Variants in LRRC4C observed in about 807,000 individuals in gnomAD.
LRRC4C encodes the protein leucine rich repeat containing 4C.
A neutral mutation model predicts 33.6 loss-of-function variants in LRRC4C; 5 were observed. The ratio of observed to expected loss-of-function variants is 0.15; its 90% CI spans 0.08 to 0.31. The LOEUF is 0.31. LRRC4C is among the 10% of genes least tolerant of loss of function. The pLI is 1.00. For synonymous variants in LRRC4C, 329 were observed against 302.0 expected, an observed-to-expected ratio of 1.09 and a Z score of -0.93; for missense variants, 560 against 796.7, an observed-to-expected ratio of 0.70 and a Z score of 3.58.
chr11:40,298,560 C>T (rs1944625564), intron 4 of LRRC4C, among the ~76,000 whole-genome samples: 1 of 151,670 alleles, frequency 6.6e-6, no homozygotes, highest in African/African-American at 2.4e-5. Context: ...TGAATAGTAT[C>T]AGCTAACTTC....
intron 2 of LRRC4C, among the ~76,000 whole-genome samples, chr11:40,767,970 T>G (rs1949556857): frequency 6.6e-6 from 1 of 150,614 alleles, no homozygotes; most frequent in Non-Finnish European, 1.5e-5. Context: ...AAAAAAGAAA[T>G]AAAATGATAA....
intron 1 of LRRC4C, among the ~76,000 whole-genome samples, chr11:41,246,287 T>C (rs1288730038): frequency 2.6e-5 from 4 of 152,112 alleles, no homozygotes; most frequent in Non-Finnish European, 5.9e-5. Context: ...CTAGTGTGTG[T>C]CAGTGCTGCC....
At chr11:41,456,369 T>C (rs1382913811) in intron 1 of LRRC4C, among the ~76,000 whole-genome samples, 1 of 151,904 alleles carries the variant, frequency 6.6e-6, no homozygotes, top group Non-Finnish European at 1.5e-5. Context: ...CTAGGTGATG[T>C]TCCTGGCTTT....
intron 3 of LRRC4C, among the ~76,000 whole-genome samples, chr11:40,410,564 G>T (rs537776523): frequency 1.3e-5 from 2 of 151,892 alleles, no homozygotes; most frequent in Non-Finnish European, 2.9e-5. Context: ...CATGTTTTCC[G>T]TTCTTTTTAT....
At chr11:41,340,343 C>T (rs541673508) in intron 1 of LRRC4C, among the ~76,000 whole-genome samples, 6 of 152,214 alleles carry the variant, frequency 3.9e-5, no homozygotes, top group South Asian at 2.1e-4. Flanking sequence ...TTTCAATTTT[C>T]CTTTTTGTAG....
intron 1 of LRRC4C, among the ~76,000 whole-genome samples, chr11:41,076,890 G>GT (rs1156687250): frequency 6.6e-6 from 1 of 152,220 alleles, no homozygotes; most frequent in African/African-American, 2.4e-5. Flanking sequence ...CCAAGATACA[G>GT]TGAGGGTACA....
chr11:40,524,919 G>A (rs1955976382), intron 3 of LRRC4C, among the ~76,000 whole-genome samples: 1 of 152,126 alleles, frequency 6.6e-6, no homozygotes, highest in Non-Finnish European at 1.5e-5. Context: ...TACTACTATG[G>A]TAGATTAAAT....
chr11:40,388,977 T>G (rs1452517743), intron 3 of LRRC4C, among the ~76,000 whole-genome samples: 1 of 152,164 alleles, frequency 6.6e-6, no homozygotes, highest in Non-Finnish European at 1.5e-5. Context: ...TGTTTTGCGT[T>G]CATTCTAGTG....
rs535225057 is a variant in LRRC4C, at chr11:41,384,519, A to G, written c.-496+74912T>C. On this transcript the variant is annotated intron_variant, in intron 1 of 6. Transcript: ENST00000528697. ...CTGTTACAGTTAAAAACATGCCAAC[A>G]AGTTTGTCATTTCTCAAGGCATTAC... 9.9e-5 allele frequency among the ~76,000 whole-genome samples: 15 copies of G among 151,638 alleles called. No homozygotes were observed. The South Asian group carries it at 2.7e-3, about 27-fold the overall frequency.
intron 3 of LRRC4C, among the ~76,000 whole-genome samples, chr11:40,333,600 C>A (rs555850362): frequency 6.6e-6 from 1 of 151,540 alleles, no homozygotes; most frequent in East Asian, 2.0e-4. Context: ...GCCTGTAATC[C>A]CAGCTACTCA....
intron 1 of LRRC4C, among the ~76,000 whole-genome samples, chr11:41,006,256 G>C (rs1854745688): frequency 6.6e-6 from 1 of 152,128 alleles, no homozygotes. Context: ...GATTGCTTCA[G>C]TTTTAAATTA....
chr11:41,170,684 C>T (rs1170072837), intron 1 of LRRC4C, among the ~76,000 whole-genome samples: 1 of 152,168 alleles, frequency 6.6e-6, no homozygotes, highest in Non-Finnish European at 1.5e-5. Flanking sequence ...CCATTCAGGA[C>T]ATAGGCATGG....
intron 1 of LRRC4C, among the ~76,000 whole-genome samples, chr11:40,941,158 T>C (rs1958125537): frequency 6.6e-6 from 1 of 152,088 alleles, no homozygotes; most frequent in Non-Finnish European, 1.5e-5. Context: ...ACTTATTTTT[T>C]GTTGCAATAA....
At chr11:40,507,290 G>A (rs79347305) in intron 3 of LRRC4C, among the ~76,000 whole-genome samples, 51 of 152,038 alleles carry the variant, frequency 3.4e-4, no homozygotes, top group African/African-American at 1.1e-3. Flanking sequence ...CTGCAAATCC[G>A]GAAGAAAAGT....
intron 3 of LRRC4C, among the ~76,000 whole-genome samples, chr11:40,522,465 G>A (rs936947138): frequency 2.6e-5 from 4 of 152,266 alleles, no homozygotes; most frequent in East Asian, 1.9e-4. Context: ...AACTTAAATC[G>A]TGGGGGCAGT....
chr11:40,159,863 T>C (rs1551833), intron 5 of LRRC4C, among the ~76,000 whole-genome samples: 102,016 of 152,050 alleles, frequency 0.67, 34,729 homozygotes, highest in Non-Finnish European at 0.75. Context: ...GGTGGAAGGA[T>C]ACTATATAAC....
chr11:40,376,234 T>C (rs190811382), intron 3 of LRRC4C, among the ~76,000 whole-genome samples: 1 of 152,190 alleles, frequency 6.6e-6, no homozygotes, highest in Non-Finnish European at 1.5e-5. Context: ...CCACTCATGA[T>C]AACCCCTCTT....
intron 4 of LRRC4C, among the ~76,000 whole-genome samples, chr11:40,265,440 T>C (rs144298871): frequency 6.6e-6 from 1 of 152,348 alleles, no homozygotes; most frequent in East Asian, 1.9e-4. Flanking sequence ...GCTTCAATTT[T>C]GCCCTGCTTT....
chr11:40,744,545 G>C (rs1383382156), intron 2 of LRRC4C, among the ~76,000 whole-genome samples: 1 of 152,006 alleles, frequency 6.6e-6, no homozygotes, highest in East Asian at 1.9e-4. Flanking sequence ...GCCTCAACTG[G>C]CCTTTGAACT....
Sources: allele counts gnomAD v4.1 joint callset (sites outside exome capture counted in the v4.1 genomes callset), GRCh38; gene constraint gnomAD v4.1.1; transcripts MANE v1.5; gene names NCBI Gene and HGNC (gene_info 2026-07-23, HGNC 2026-07-21).